POLN: variants seen among roughly 807,000 people sequenced by gnomAD.
The protein encoded by POLN is DNA polymerase nu.
POLN carries 108 observed loss-of-function variants against 113.5 expected under a neutral mutation model. The ratio of observed to expected loss-of-function variants is 0.95; its 90% CI spans 0.81 to 1.12. The LOEUF (loss-of-function observed/expected upper bound fraction) is 1.12. Ranked by LOEUF, POLN falls within the 50% of genes most tolerant of loss-of-function variation. The pLI, the probability that POLN is intolerant of heterozygous loss-of-function variation, is 0.00. For synonymous variants in POLN, 386 were observed against 391.5 expected (o/e 0.99, Z 0.17); for missense variants, 1,097 against 1,077.1 (o/e 1.02, Z -0.26).
intron 14 of POLN, among the ~76,000 whole-genome samples, chr4:2,158,835 G>C (rs1206627863): frequency 6.6e-6 from 1 of 152,176 alleles, no homozygotes; most frequent in Non-Finnish European, 1.5e-5. Context: ...GGTTGTGGGA[G>C]GCTTTGAGAC....
Position 2,170,709 on chromosome 4 carries a change from C to T in POLN, c.1524G>A (p.Leu508=). The T allele has an allele frequency of 6.2e-7, 1 of 1,614,118 alleles. No homozygotes were observed. Among genetic ancestry groups the T allele is most frequent in the African/African-American group, 1.3e-5 (1 of 75,058 alleles). Residue 508 remains leucine (L), a synonymous_variant, in exon 13 of 26, where the codon TTG becomes TTA. Coordinates refer to ENST00000511885, the MANE Select transcript of POLN (RefSeq NM_181808.4). ...CTTCTGATGTAGACGGGTATTTCTG[C>T]AACCCCGTTCTGGGGAGACTGTTCC... ...SQRNSLPRTG[L]QKYPSTSEAV...
At chr4:2,162,654 G>A (rs1323877799) in intron 13 of POLN, among the ~76,000 whole-genome samples, 1 of 151,918 alleles carries the variant, frequency 6.6e-6, no homozygotes, top group East Asian at 1.9e-4. Flanking sequence ...ATGAGGTTTT[G>A]CCATGTTGCC....
At chr4:2,139,045 G>A (rs1241885832) in intron 16 of POLN, among the ~76,000 whole-genome samples, 2 of 152,140 alleles carry the variant, frequency 1.3e-5, no homozygotes, top group Non-Finnish European at 2.9e-5. Context: ...AGATGCTCAT[G>A]CAGTGGACTC....
At chr4:2,239,807 A>C (rs1390171608) in intron 2 of POLN, among the ~76,000 whole-genome samples, 3 of 152,252 alleles carry the variant, frequency 2.0e-5, no homozygotes, top group Non-Finnish European at 4.4e-5. Flanking sequence ...CTTTTGTTTA[A>C]AATAAATTAG....
In POLN at chr4:2,179,355, T is replaced by C; in HGVS notation, c.1132A>G (p.Thr378Ala). 6.2e-7 allele frequency: 1 copy of C among 1,613,304 alleles called. No individual in the cohort carries two copies. The highest frequency in any genetic ancestry group is 8.5e-7 in the Non-Finnish European group (1 of 1,179,330). Residue 378 changes from threonine to alanine, a missense_variant, in exon 8 of 26, where the codon ACA becomes GCA. By Grantham distance (58) the Thr-to-Ala change is moderately conservative. Transcript: ENST00000511885. ...LVEKYCEKSITVKVNSTYGNS... is the reference protein window; with the variant it reads ...LVEKYCEKSIAVKVNSTYGNS... ...CCATATGTGCTGTTCACTTTAACTGTAATGGATTTTTCACAGTATTTTTCT... is the reference window on the plus strand; with the variant it reads ...CCATATGTGCTGTTCACTTTAACTGCAATGGATTTTTCACAGTATTTTTCT...
chr4:2,190,476 A>T (rs945699277), intron 7 of POLN, among the ~76,000 whole-genome samples: 87 of 147,740 alleles, frequency 5.9e-4, no homozygotes, highest in Non-Finnish European at 8.4e-4. Flanking sequence ...CTGGGCAATG[A>T]TTTTTTTTTT....
In POLN at chr4:2,129,250, T is replaced by C; in HGVS notation, c.1796A>G (p.Glu599Gly). 6.3e-7 allele frequency: 1 copy of C among 1,585,010 alleles called. No individual in the cohort carries two copies. Among genetic ancestry groups the C allele is most frequent in the African/African-American group, 1.3e-5 (1 of 74,298 alleles). Residue 599 changes from glutamate to glycine, a missense_variant, in exon 18 of 26, where the codon GAA becomes GGA. Glu to Gly is a moderately conservative substitution (Grantham distance 98). Transcript: ENST00000511885. Reference protein sequence around the residue: ...ITTPKNFKGKEDKILTISPRA... With the variant: ...ITTPKNFKGKGDKILTISPRA... ...CGGGGAGATCGTGAGAATCTTGTCTTCTTTACCTGAATTGTTATTTCAAGA... is the reference window on the plus strand; with the variant it reads ...CGGGGAGATCGTGAGAATCTTGTCTCCTTTACCTGAATTGTTATTTCAAGA...
At chr4:2,158,512 C>T (rs370884069) in intron 14 of POLN, among the ~76,000 whole-genome samples, 1 of 152,098 alleles carries the variant, frequency 6.6e-6, no homozygotes, top group African/African-American at 2.4e-5. Flanking sequence ...CCTCTGGTGG[C>T]CCCTTTACAT....
At chr4:2,117,354 T>C (rs3135113) in intron 19 of POLN, among the ~76,000 whole-genome samples, 111,495 of 152,186 alleles carry the variant, frequency 0.73, 45,270 homozygotes, top group Non-Finnish European at 0.9. Context: ...ATACAGTCTG[T>C]TTGTGACCTT....
At chr4:2,236,858 G>A (rs1306084089) in intron 2 of POLN, among the ~76,000 whole-genome samples, 1 of 150,288 alleles carries the variant, frequency 6.7e-6, no homozygotes, top group Non-Finnish European at 1.5e-5. Flanking sequence ...GTGAGACTCC[G>A]TCTCCAAATA....
chr4:2,166,578 G>C (rs1055066849), intron 13 of POLN, among the ~76,000 whole-genome samples: 14 of 152,304 alleles, frequency 9.2e-5, no homozygotes, highest in Admixed American at 9.2e-4. Context: ...GGACTGAGCA[G>C]GGAAGACCTG....
chr4:2,240,632 C>G (rs1734948833), intron 2 of POLN: 1 of 1,613,540 alleles, frequency 6.2e-7, no homozygotes, highest in Admixed American at 1.7e-5. Context: ...GAGTTTGAAC[C>G]TCATCCTCTA....
chr4:2,090,418 T>TA (rs1730639052), intron 20 of POLN: 2 of 610,294 alleles, frequency 3.3e-6, no homozygotes, highest in Non-Finnish European at 6.0e-6. Flanking sequence ...GTTCGAAACA[T>TA]AATTGAAAGA....
rs142806084 is a variant in POLN at position 2,077,476 on chromosome 4, T to G, written c.2388-1957A>C. Among the ~76,000 whole-genome samples the G allele has an allele frequency of 2.6e-5, 4 of 152,278 alleles. No homozygotes were observed. The East Asian group carries it at 7.7e-4, about 29-fold the overall frequency. ...GAGGGGGAGGTGGGCCTGTGCTTCA[T>G]GTGCAGCCTCTGGCCAGGGGCCGTG... On this transcript the variant is annotated intron_variant, in intron 23 of 25. Transcript: ENST00000511885.
Position 2,126,545 on chromosome 4 carries a change from C to T in POLN, c.1982+1568G>A, listed in dbSNP as rs941656548. Among the ~76,000 whole-genome samples, 7 of 152,032 alleles carry T rather than the reference C, an allele frequency of 4.6e-5. No homozygotes were observed. Among genetic ancestry groups the T allele is most frequent in the East Asian group, 1.9e-4 (1 of 5,190 alleles). The stretch of plus-strand genomic sequence containing the variant: ...TAGAGCAATACATGGGAATGTGCAT[C>T]GGACCAGAGAGGAGCAGAGACCAGA... On this transcript the variant is annotated intron_variant, in intron 19 of 25. Coordinates refer to ENST00000511885, the MANE Select transcript of POLN (RefSeq NM_181808.4). The surrounding 1 kb of genome is among the most constrained non-coding windows in gnomAD (Gnocchi z 4.6).
At chr4:2,137,424 G>A (rs559379891) in intron 16 of POLN, among the ~76,000 whole-genome samples, 2 of 152,198 alleles carry the variant, frequency 1.3e-5, no homozygotes, top group Non-Finnish European at 2.9e-5. Context: ...AGCTGGCACA[G>A]AGCTCAGAGT....
At chr4:2,216,890 A>G (rs1398341905) in intron 3 of POLN, among the ~76,000 whole-genome samples, 1 of 152,234 alleles carries the variant, frequency 6.6e-6, no homozygotes, top group African/African-American at 2.4e-5. Flanking sequence ...GGGGAGCCCC[A>G]TGCTATGGGC....
rs1577687062 is a variant in POLN, at chr4:2,093,341, G to A, written c.2065+2510C>T. On this transcript the variant is annotated intron_variant, in intron 20 of 25. Transcript: ENST00000511885. The surrounding 1 kb of genome is among the most constrained non-coding windows in gnomAD (Gnocchi z 4.1). ...GCTCAGTCACTTGGAGGCATTTACT[G>A]ACATGGCACAGAAGTGAAGTAGGAC... 6.6e-6 allele frequency among the ~76,000 whole-genome samples: 1 copy of A among 152,266 alleles called. No individual in the cohort carries two copies. The highest frequency in any genetic ancestry group is 1.9e-4 in the East Asian group (1 of 5,192).
chr4:2,135,786 T>C (rs1172752167), intron 16 of POLN, among the ~76,000 whole-genome samples: 1 of 152,090 alleles, frequency 6.6e-6, no homozygotes, highest in Non-Finnish European at 1.5e-5. Flanking sequence ...CATGAGAGCA[T>C]CGAAGTCAGA....
Sources: gnomAD v4.1 joint callset for allele counts (sites outside exome capture counted in the v4.1 genomes callset) on GRCh38, gnomAD v4.1.1 for gene constraint, Gnocchi (gnomAD v3.1) non-coding constraint, MANE v1.5 for transcripts, NCBI Gene and HGNC (gene_info 2026-07-23, HGNC 2026-07-21) for gene names.